DDX19B: variants seen among roughly 807,000 people sequenced by gnomAD.
DDX19B encodes DEAD-box helicase 19B.
Under a neutral mutation model 58.1 loss-of-function variants are expected in DDX19B, and 27 were observed. The observed-to-expected ratio is 0.46, with a 90% CI of 0.34 to 0.64. The LOEUF is 0.64. Ranked by LOEUF, DDX19B falls within the 30% of genes least tolerant of loss-of-function variation. The pLI is 0.01. For missense variants in DDX19B, 399 were observed against 596.5 expected, an observed-to-expected ratio of 0.67 and a Z score of 3.45; for synonymous variants, 187 against 214.4, an observed-to-expected ratio of 0.87 and a Z score of 1.12.
chr16:70,301,853 G>A (rs948662852), intron 1 of DDX19B, among the ~76,000 whole-genome samples: 3 of 151,342 alleles, frequency 2.0e-5, no homozygotes, highest in African/African-American at 7.3e-5. Flanking sequence ...CTACAGGTGC[G>A]CACCACTGCA....
At position 70,333,572 on chromosome 16, in the gene DDX19B, T is replaced by C; in HGVS notation, c.1430T>C (p.Ile477Thr). 10 of 1,613,820 alleles carry C rather than the reference T, an allele frequency of 6.2e-6. No individual in the cohort carries two copies. Among genetic ancestry groups the C allele is most frequent in the Non-Finnish European group, 7.6e-6 (9 of 1,179,832 alleles). ...GATGATTTGGACGAGATTGAGAAAATAGCCAACTGAGAAGCTCCACCAGCC... is the reference window on the plus strand; with the variant it reads ...GATGATTTGGACGAGATTGAGAAAACAGCCAACTGAGAAGCTCCACCAGCC... ...DTDDLDEIEK[I>T]AN The change falls in exon 12 of 12, where the codon ATA becomes ACA. Residue 477 changes from isoleucine (I) to threonine (T), a missense_variant. Ile to Thr is a moderately conservative substitution (Grantham distance 89). Around this residue, in one of 4 missense-constraint regions of DDX19B, gnomAD observed 198 missense variants for 345.9 expected, o/e 0.57. Coordinates refer to ENST00000288071, the MANE Select transcript of DDX19B (RefSeq NM_007242.7).
At chr16:70,298,045 T>A (rs1961295504), upstream of DDX19B, among the ~76,000 whole-genome samples, 1 of 151,482 alleles carries the variant, frequency 6.6e-6, no homozygotes, top group Non-Finnish European at 1.5e-5. Flanking sequence ...GAGGTGGAGG[T>A]GGGAGGATCA....
Position 70,325,652 on chromosome 16 carries a change from G to GA in DDX19B, c.573dup (p.Leu192ThrfsTer11), listed in dbSNP as rs1316857133. ...TGAACAAATGGGCAAATTTTACCCT[G>GA]AACTGAAGCTAGCTTATGCTGTTCG... is the stretch of plus-strand genomic sequence containing the variant. On this transcript the variant is annotated frameshift_variant, in exon 7 of 12. Coordinates refer to ENST00000288071, the MANE Select transcript of DDX19B (RefSeq NM_007242.7). LOFTEE classifies it high-confidence loss of function. The GA allele has an allele frequency of 1.9e-6, 3 of 1,614,068 alleles. No homozygotes were observed. Among genetic ancestry groups the GA allele is most frequent in the Non-Finnish European group, 2.5e-6 (3 of 1,179,988 alleles).
At position 70,332,343 on chromosome 16, in the gene DDX19B, C is replaced by G. The variant is rs143219963; in HGVS notation, c.1186+459C>G. Among the ~76,000 whole-genome samples the G allele has an allele frequency of 6.4e-3, 972 of 152,280 alleles. 3 individuals are homozygous for G. The highest frequency in any genetic ancestry group is 0.011 in the Non-Finnish European group (755 of 68,030). ...TGAGACAGAGTCTTGCTCAATGGCC[C>G]AGGCTGGAGTGCAGTGGCACAATCT... On this transcript the variant is annotated intron_variant, in intron 10 of 11. Coordinates refer to ENST00000288071, the MANE Select transcript of DDX19B (RefSeq NM_007242.7).
chr16:70,292,758 C>T (rs955707784), upstream of DDX19B, among the ~76,000 whole-genome samples: 1 of 152,160 alleles, frequency 6.6e-6, no homozygotes, highest in Non-Finnish European at 1.5e-5. Flanking sequence ...AACCAAAGAA[C>T]TGAAATAGTA....
intron 1 of DDX19B, among the ~76,000 whole-genome samples, chr16:70,308,934 C>T (rs976506168): frequency 6.6e-6 from 1 of 152,080 alleles, no homozygotes; most frequent in East Asian, 1.9e-4. Context: ...TTAAGCCCCA[C>T]ATGTATTAGC....
chr16:70,299,139 A>G, upstream of DDX19B: 1 of 1,363,904 alleles, frequency 7.3e-7, no homozygotes, highest in East Asian at 2.9e-5. Context: ...AAGGGTGGCC[A>G]AACAGGAGTG....
At chr16:70,324,762 A>G in intron 6 of DDX19B, 75 bp downstream of exon 6, 1 of 1,440,700 alleles carries the variant, frequency 6.9e-7, no homozygotes, top group Non-Finnish European at 9.5e-7. Context: ...ATTAAAAGAC[A>G]AGCTATGGGC....
chr16:70,322,830 T>TGCAGTGA (rs1355871106), intron 5 of DDX19B, among the ~76,000 whole-genome samples: 1 of 142,998 alleles, frequency 7.0e-6, no homozygotes, highest in Non-Finnish European at 1.5e-5. Context: ...AGGCAGAGGC[T>TGCAGTGA]GCAGTGAGCT....
chr16:70,324,362 CAAAAAAA>C (rs57977602), intron 5 of DDX19B, among the ~76,000 whole-genome samples: 6 of 48,874 alleles, frequency 1.2e-4, no homozygotes, highest in Admixed American at 6.3e-4. Flanking sequence ...GACCTAATCT[CAAAAAAA>C]AAAAAAAAAA....
chr16:70,305,519 C>G (rs1433576935), intron 1 of DDX19B, among the ~76,000 whole-genome samples: 1 of 152,076 alleles, frequency 6.6e-6, no homozygotes, highest in East Asian at 1.9e-4. Flanking sequence ...GCATACTTTA[C>G]TGTTTTATTA....
At chr16:70,295,055 G>A, upstream of DDX19B, 3 of 1,294,698 alleles carry the variant, frequency 2.3e-6, no homozygotes, top group Admixed American at 3.9e-5. Flanking sequence ...TCTAGAATCC[G>A]CCATCTGTGA....
chr16:70,331,154 G>A lies in DDX19B; in HGVS notation c.1024-568G>A, dbSNP rs1963461651. Among the ~76,000 whole-genome samples, 5 of 152,152 alleles carry A rather than the reference G, an allele frequency of 3.3e-5. No individual in the cohort carries two copies. The South Asian group carries it at 1.0e-3, about 32-fold the overall frequency. ...TACAGTGGCATGGTCATAGCTCACT[G>A]CAGCCTTGGCTCTTGTTACTAGGGC... On this transcript the variant is annotated intron_variant, in intron 9 of 11. Coordinates refer to ENST00000288071, the MANE Select transcript of DDX19B (RefSeq NM_007242.7).
chr16:70,317,624 T>C (rs761138642), intron 5 of DDX19B, 36 bp downstream of exon 5: 4 of 1,569,580 alleles, frequency 2.5e-6, no homozygotes, highest in Non-Finnish European at 3.5e-6. Context: ...TCATTTTAGA[T>C]TTTCTATTTT....
chr16:70,309,618 G>T (rs994779928), intron 1 of DDX19B, among the ~76,000 whole-genome samples: 4 of 151,552 alleles, frequency 2.6e-5, no homozygotes. Flanking sequence ...GAGAGTTCGA[G>T]ACCAGCCTGA....
chr16:70,330,075 A>G lies in DDX19B; in HGVS notation c.1023+7A>G, dbSNP rs990199679. ...AGCCATGATCTTCTGCCATGTGAGT[A>G]GCAGTGGCAGTGGCAGGCCTGGCCC... is the stretch of plus-strand genomic sequence containing the variant. On this transcript the variant is annotated splice_region_variant and intron_variant, in intron 9 of 11. Coordinates refer to ENST00000288071, the MANE Select transcript of DDX19B (RefSeq NM_007242.7). The G allele has an allele frequency of 1.5e-5, 25 of 1,613,772 alleles. No individual in the cohort carries two copies. The highest frequency in any genetic ancestry group is 1.9e-5 in the Non-Finnish European group (22 of 1,179,802).
At position 70,333,110 on chromosome 16, in the gene DDX19B, G is replaced by A. The variant is rs1368950607; in HGVS notation, c.1329G>A (p.Val443=). ...AGAGGGGCCTGGCAGTGAACATGGT[G>A]GACAGCAAGCACAGCATGAACATCC... ...FGKRGLAVNM[V]DSKHSMNILN... is the part of the protein sequence containing the mutation. Residue 443 remains valine, a synonymous_variant, in exon 11 of 12, where the codon GTG becomes GTA. Transcript: ENST00000288071. 5.1e-6 allele frequency: 8 copies of A among 1,561,882 alleles called. No homozygotes were observed. The African/African-American group carries it at 8.2e-5, about 16-fold the overall frequency.
chr16:70,329,496 C>T (rs973378191), intron 8 of DDX19B, 27 bp downstream of exon 8: 2 of 1,612,304 alleles, frequency 1.2e-6, no homozygotes, highest in Non-Finnish European at 8.5e-7. Context: ...TGGGGGACTC[C>T]TCAGATTCCC....
In DDX19B at chr16:70,314,983, T is replaced by A. The variant is rs1328807269; in HGVS notation, c.160+28T>A. On this transcript the variant is annotated intron_variant, in intron 3 of 11. Coordinates refer to ENST00000288071, the MANE Select transcript of DDX19B (RefSeq NM_007242.7). ...AACACAGCCGTGGAGCTTTATATAA[T>A]AACAAGCTTCTACATTCTAAGAAAG... 5 of 1,602,176 alleles carry A rather than the reference T, an allele frequency of 3.1e-6. No homozygotes were observed. In the East Asian group the frequency reaches 1.1e-4, roughly 36 times the overall value.
Sources: gnomAD v4.1 joint callset for allele counts (sites outside exome capture counted in the v4.1 genomes callset) on GRCh38, gnomAD v4.1.1 for gene constraint, gnomAD v4.1.1 regional missense constraint, MANE v1.5 for transcripts, NCBI Gene and HGNC (gene_info 2026-07-23, HGNC 2026-07-21) for gene names.